MGAT5: variants seen among roughly 807,000 people sequenced by gnomAD.
The protein encoded by MGAT5 is alpha-1,6-mannosylglycoprotein 6-beta-N-acetylglucosaminyltransferase A.
In MGAT5, 30 loss-of-function variants were observed where a neutral mutation model predicts 94.3. That is an observed-to-expected ratio of 0.32 (90% CI 0.24 to 0.43). MGAT5 has a LOEUF of 0.43. MGAT5 is among the 20% of genes least tolerant of loss of function. MGAT5 has a pLI of 1.00. For synonymous variants in MGAT5, 310 were observed against 322.9 expected (o/e 0.96, Z 0.43); for missense variants, 691 against 905.5 (o/e 0.76, Z 3.04).
At chr2:134,121,995 C>T (rs1685616979) in intron 1 of MGAT5, among the ~76,000 whole-genome samples, 1 of 152,148 alleles carries the variant, frequency 6.6e-6, no homozygotes, top group South Asian at 2.1e-4. Flanking sequence ...TTTTCACCCT[C>T]CTCCCCCCGT....
chr2:134,390,732 C>G (rs1321092803), intron 10 of MGAT5, among the ~76,000 whole-genome samples: 2 of 152,024 alleles, frequency 1.3e-5, no homozygotes, highest in Admixed American at 1.3e-4. Context: ...AAACACTTCC[C>G]CCTAACCCTC....
At position 134,223,991 on chromosome 2, in the gene MGAT5, A is replaced by T. The variant is rs190549992; in HGVS notation, c.-142-30271A>T. 6.6e-5 allele frequency among the ~76,000 whole-genome samples: 10 copies of T among 152,344 alleles called. No individual in the cohort carries two copies. The East Asian group carries it at 1.9e-3, about 29-fold the overall frequency. ...CAGGTAAATTTGCTTACAAAAACAT[A>T]CTTTACCCAAATAACTTAAAAGAAA... On this transcript the variant is annotated intron_variant, in intron 1 of 16. Coordinates refer to the MGAT5 transcript ENST00000409645.
rs544929812 is a variant in MGAT5 at position 134,449,087 on chromosome 2, T to G, written c.*240T>G. Reference sequence around the variant, plus strand: ...TGGCTTGTCCCTGGCACAACATCATTTCTGTTTCTCAAGGAGCAACTGTGG... The same window carrying G: ...TGGCTTGTCCCTGGCACAACATCATGTCTGTTTCTCAAGGAGCAACTGTGG... On this transcript the variant is annotated 3_prime_UTR_variant, in exon 16 of 16. Transcript: ENST00000281923. 2 of 549,460 alleles carry G rather than the reference T, an allele frequency of 3.6e-6. No homozygotes were observed. The highest frequency in any genetic ancestry group is 4.3e-5 in the South Asian group (2 of 46,402). 34.0% of individuals were successfully genotyped at this position (549,460 alleles called of 1,614,324 possible).
intron 14 of MGAT5, among the ~76,000 whole-genome samples, chr2:134,439,237 T>C (rs1375981882): frequency 1.3e-5 from 2 of 152,166 alleles, no homozygotes; most frequent in African/African-American, 4.8e-5. Flanking sequence ...TATCATCATC[T>C]TCCTTTTTCT....
intron 1 of MGAT5, among the ~76,000 whole-genome samples, chr2:134,214,885 A>G (rs1021390871): frequency 3.9e-5 from 6 of 152,110 alleles, no homozygotes; most frequent in Admixed American, 3.9e-4. Context: ...ATGAGTTTCA[A>G]ATGGACACCC....
At chr2:134,145,214 CTGTGTG>C (rs59065013) in intron 1 of MGAT5, among the ~76,000 whole-genome samples, 4 of 143,762 alleles carry the variant, frequency 2.8e-5, no homozygotes, top group East Asian at 2.0e-4. Context: ...GTCTCTCTCT[CTGTGTG>C]TGTGTGTGTG....
intron 1 of MGAT5, among the ~76,000 whole-genome samples, chr2:134,217,087 C>A (rs751019762): frequency 1.3e-5 from 2 of 151,956 alleles, no homozygotes; most frequent in Non-Finnish European, 2.9e-5. Flanking sequence ...TCCTTAGGGG[C>A]CCCATGTTGA....
chr2:134,122,224 C>G (rs1258086251), intron 1 of MGAT5, among the ~76,000 whole-genome samples: 1 of 152,070 alleles, frequency 6.6e-6, no homozygotes, highest in Non-Finnish European at 1.5e-5. Context: ...CCTGCCTCAA[C>G]CTCTCAAGTA....
At chr2:134,427,135 C>A (rs1684635614) in intron 13 of MGAT5, among the ~76,000 whole-genome samples, 2 of 152,110 alleles carry the variant, frequency 1.3e-5, no homozygotes, top group African/African-American at 4.8e-5. Flanking sequence ...TATTTCTGTT[C>A]ATTGTCCCAT....
chr2:134,181,271 G>A lies in MGAT5; in HGVS notation c.-143+60980G>A, dbSNP rs1688719639. Reference sequence around the variant, plus strand: ...CTGCTAAACATCCTACAATGCACAGGACGGTCCCCACAGCCAGGAATTATC... The same window carrying A: ...CTGCTAAACATCCTACAATGCACAGAACGGTCCCCACAGCCAGGAATTATC... On this transcript the variant is annotated intron_variant, in intron 1 of 16. Coordinates refer to the MGAT5 transcript ENST00000409645. Among the ~76,000 whole-genome samples the A allele has an allele frequency of 2.6e-5, 4 of 152,178 alleles. No individual in the cohort carries two copies. The South Asian group carries it at 8.3e-4, about 32-fold the overall frequency.
chr2:134,393,659 C>A (rs1682544321), intron 10 of MGAT5, among the ~76,000 whole-genome samples: 1 of 152,036 alleles, frequency 6.6e-6, no homozygotes, highest in Admixed American at 6.6e-5. Context: ...ATTGGGGCTT[C>A]AAAGAGAGGA....
At chr2:134,142,468 G>A (rs1686703316) in intron 1 of MGAT5, among the ~76,000 whole-genome samples, 1 of 152,206 alleles carries the variant, frequency 6.6e-6, no homozygotes, top group African/African-American at 2.4e-5. Context: ...GGGGACATTT[G>A]TGAGCACTCA....
intron 1 of MGAT5, among the ~76,000 whole-genome samples, chr2:134,128,177 TGA>T (rs1685938408): frequency 6.9e-6 from 1 of 144,978 alleles, no homozygotes; most frequent in African/African-American, 2.6e-5. Context: ...GAGACCAGCC[TGA>T]GCAACAAAGC....
intron 10 of MGAT5, among the ~76,000 whole-genome samples, chr2:134,386,516 G>A (rs1253097892): frequency 1.3e-5 from 2 of 152,342 alleles, no homozygotes; most frequent in African/African-American, 2.4e-5. Context: ...AGCTGCTTCT[G>A]TCTTTCAACT....
At chr2:134,150,234 AGT>A (rs1182751456) in intron 1 of MGAT5, among the ~76,000 whole-genome samples, 1 of 152,150 alleles carries the variant, frequency 6.6e-6, no homozygotes, top group East Asian at 1.9e-4. Flanking sequence ...TCTTGATAGT[AGT>A]GTGTTTACCC....
At chr2:134,131,769 C>G (rs1003142081) in intron 1 of MGAT5, among the ~76,000 whole-genome samples, 1 of 151,904 alleles carries the variant, frequency 6.6e-6, no homozygotes, top group Non-Finnish European at 1.5e-5. Context: ...TTAGCACATG[C>G]TGTGTATAAA....
At chr2:134,390,671 G>A (rs532749009) in intron 10 of MGAT5, among the ~76,000 whole-genome samples, 2 of 152,298 alleles carry the variant, frequency 1.3e-5, no homozygotes, top group South Asian at 4.1e-4. Flanking sequence ...TCATGGAGGA[G>A]TCTGTCTTAA....
chr2:134,367,879 A>G (rs1680534182), intron 10 of MGAT5, among the ~76,000 whole-genome samples: 1 of 152,242 alleles, frequency 6.6e-6, no homozygotes, highest in East Asian at 1.9e-4. Context: ...GTGAATCTGC[A>G]CAGTGTTTCT....
intron 10 of MGAT5, among the ~76,000 whole-genome samples, chr2:134,378,023 G>C (rs142212319): frequency 6.6e-6 from 1 of 152,178 alleles, no homozygotes; most frequent in African/African-American, 2.4e-5. Flanking sequence ...TGGCCTTGGC[G>C]TGGAGGGTCA....
Sources: gnomAD v4.1 joint callset for allele counts (sites outside exome capture counted in the v4.1 genomes callset) on GRCh38, gnomAD v4.1.1 for gene constraint, MANE v1.5 for transcripts, NCBI Gene and HGNC (gene_info 2026-07-23, HGNC 2026-07-21) for gene names.